The following CGNL1 variants were observed in gnomAD, a reference collection of about 807,000 sequenced individuals.
CGNL1 encodes cingulin-like protein 1.
CGNL1 carries 132 observed loss-of-function variants against 141.2 expected under a neutral mutation model. The ratio of observed to expected loss-of-function variants is 0.93; its 90% CI spans 0.81 to 1.08. The LOEUF is 1.08. CGNL1 is among the 50% of genes least tolerant of loss of function. The probability of loss-of-function intolerance (pLI) is 0.00; values close to 1 mark genes in which losing one functional copy is unlikely to be tolerated. For missense variants in CGNL1, 1,870 were observed against 1,588.6 expected, an observed-to-expected ratio of 1.18 and a Z score of -3.01; for synonymous variants, 690 against 622.1, an observed-to-expected ratio of 1.11 and a Z score of -1.63.
At position 57,422,197 on chromosome 15, in the gene CGNL1, T is replaced by G. The variant is rs186600483; in HGVS notation, c.-15-15788T>G. ...GTTTCTTCCTTTTTTCTCTTCAGTTTTTTTCTCCTTTCCTTGCAGTTATTT... is the reference window on the plus strand; with the variant it reads ...GTTTCTTCCTTTTTTCTCTTCAGTTGTTTTCTCCTTTCCTTGCAGTTATTT... On this transcript the variant is annotated intron_variant, in intron 1 of 18. Coordinates refer to ENST00000281282, the MANE Select transcript of CGNL1 (RefSeq NM_032866.5). Among the ~76,000 whole-genome samples, 469 of 150,520 alleles carry G rather than the reference T, an allele frequency of 3.1e-3. 3 individuals carry two copies. Among genetic ancestry groups the G allele is most frequent in the Non-Finnish European group, 2.5e-3 (168 of 67,898 alleles).
At chr15:57,491,150 A>G (rs2063856490) in intron 8 of CGNL1, among the ~76,000 whole-genome samples, 1 of 152,188 alleles carries the variant, frequency 6.6e-6, no homozygotes, top group Non-Finnish European at 1.5e-5. Context: ...ATAGATCAGG[A>G]TTAGTTCATT....
intron 8 of CGNL1, among the ~76,000 whole-genome samples, chr15:57,467,366 T>C (rs972354655): frequency 6.6e-6 from 1 of 152,136 alleles, no homozygotes; most frequent in Non-Finnish European, 1.5e-5. Flanking sequence ...TTTTGAGTGA[T>C]GTTTGGGCAT....
chr15:57,466,127 C>T (rs907514990), intron 8 of CGNL1, among the ~76,000 whole-genome samples: 3 of 152,162 alleles, frequency 2.0e-5, no homozygotes, highest in East Asian at 1.9e-4. Context: ...AATGGATCTT[C>T]GTAGTCTGTT....
In CGNL1 at chr15:57,498,351, G is replaced by C. The variant is rs186951640; in HGVS notation, c.2404-18429G>C. Among the ~76,000 whole-genome samples the C allele has an allele frequency of 2.1e-3, 295 of 137,772 alleles. 3 individuals carry two copies. Among genetic ancestry groups the C allele is most frequent in the African/African-American group, 7.4e-3 (281 of 38,158 alleles). 90.4% of individuals were successfully genotyped at this position (137,772 alleles called of 152,430 possible). ...TGCAGCCTCAATCTCCCGGGCTCAA[G>C]CGATTCTCCCACCTCAGCCTCTCAA... On this transcript the variant is annotated intron_variant, in intron 8 of 18. Coordinates refer to ENST00000281282, the MANE Select transcript of CGNL1 (RefSeq NM_032866.5).
rs533202733 is a variant in CGNL1 at position 57,440,387 on chromosome 15, A to C, written c.1613A>C (p.Asp538Ala). 2 of 1,600,114 alleles carry C rather than the reference A, an allele frequency of 1.2e-6. No homozygotes were observed. The highest frequency in any genetic ancestry group is 1.3e-5 in the African/African-American group (1 of 74,918). ...PSASNTQATP[D>A]LLKGQQELTQ... is the part of the protein sequence containing the mutation. ...GGCCTTATGTTCCAGGCCACACCGG[A>C]TCTCTTAAAGGGCCAGCAAGAGCTC... The change falls in exon 3 of 19, where the codon GAT becomes GCT. Residue 538 changes from aspartate (D) to alanine (A), a missense_variant. Asp to Ala is a moderately radical substitution (Grantham distance 126). Coordinates refer to ENST00000281282, the MANE Select transcript of CGNL1 (RefSeq NM_032866.5).
At chr15:57,451,390 T>C in intron 4 of CGNL1, 110 bp from the exon 5 acceptor site, 4 of 715,106 alleles carry the variant, frequency 5.6e-6, no homozygotes, top group Non-Finnish European at 9.1e-6. Flanking sequence ...CTTAAAATGT[T>C]TAGTGTTATG....
At chr15:57,473,274 A>G (rs2063606019) in intron 8 of CGNL1, among the ~76,000 whole-genome samples, 1 of 152,210 alleles carries the variant, frequency 6.6e-6, no homozygotes. Flanking sequence ...ATTCTGCCTG[A>G]TGGATATTTT....
At chr15:57,512,694 G>T (rs11630713) in intron 8 of CGNL1, among the ~76,000 whole-genome samples, 3 of 152,026 alleles carry the variant, frequency 2.0e-5, no homozygotes, top group African/African-American at 7.2e-5. Context: ...TAGGGTGCTA[G>T]TTAGGCCCCA....
At chr15:57,409,486 A>G (rs1276769577) in intron 1 of CGNL1, among the ~76,000 whole-genome samples, 1 of 152,264 alleles carries the variant, frequency 6.6e-6, no homozygotes, top group African/African-American at 2.4e-5. Flanking sequence ...ACTGAGGATC[A>G]ACTTAGAAGG....
intron 14 of CGNL1, 80 bp downstream of exon 14, chr15:57,531,859 T>C: frequency 1.1e-6 from 1 of 892,300 alleles, no homozygotes; most frequent in South Asian, 1.4e-5. Flanking sequence ...GGGCTTCAGT[T>C]AAGTCCAGGA....
chr15:57,477,559 A>G (rs963071605), intron 8 of CGNL1: 1 of 152,198 alleles, frequency 6.6e-6, no homozygotes, highest in Admixed American at 6.5e-5. Flanking sequence ...AGTCCAAAGG[A>G]AAGGTATGTT....
chr15:57,515,300 A>C (rs917292757), intron 8 of CGNL1, among the ~76,000 whole-genome samples: 9 of 152,192 alleles, frequency 5.9e-5, no homozygotes, highest in Non-Finnish European at 1.0e-4. Context: ...TGTTGTATAG[A>C]ATTAAACCTT....
intron 8 of CGNL1, among the ~76,000 whole-genome samples, chr15:57,505,532 G>A (rs1278534924): frequency 1.3e-5 from 2 of 152,156 alleles, no homozygotes; most frequent in African/African-American, 4.8e-5. Context: ...AGCCTGGTCT[G>A]CTCAGCTCTG....
chr15:57,387,320 C>T (rs1201851953), intron 1 of CGNL1, among the ~76,000 whole-genome samples: 4 of 152,200 alleles, frequency 2.6e-5, no homozygotes, highest in African/African-American at 9.7e-5. Context: ...CACCCCAAGC[C>T]TCAGTGTCAT....
At chr15:57,459,155 A>G (rs1008545556) in intron 7 of CGNL1, among the ~76,000 whole-genome samples, 2 of 152,244 alleles carry the variant, frequency 1.3e-5, no homozygotes, top group African/African-American at 4.8e-5. Context: ...AGGGGTTCCA[A>G]GAAAACAGGT....
At position 57,438,673 on chromosome 15, in the gene CGNL1, A is replaced by G. The variant is rs150998105; in HGVS notation, c.674A>G (p.Glu225Gly). Reference protein sequence around the residue: ...AIRLCSSVVIEDPKKQTSVCV... With the variant: ...AIRLCSSVVIGDPKKQTSVCV... Reference sequence around the variant, plus strand: ...CGTTTATGCAGCTCCGTGGTCATAGAGGACCCCAAAAAGCAGACCTCAGTG... The same window carrying G: ...CGTTTATGCAGCTCCGTGGTCATAGGGGACCCCAAAAAGCAGACCTCAGTG... Residue 225 changes from glutamate to glycine, a missense_variant, in exon 2 of 19, where the codon GAG becomes GGG. By Grantham distance (98) the Glu-to-Gly change is moderately conservative (BLOSUM62 -2). Coordinates refer to ENST00000281282, the MANE Select transcript of CGNL1 (RefSeq NM_032866.5). 148 of 1,614,054 alleles carry G rather than the reference A, an allele frequency of 9.2e-5. No individual in the cohort carries two copies. Among genetic ancestry groups the G allele is most frequent in the Non-Finnish European group, 1.1e-4 (134 of 1,180,042 alleles).
intron 8 of CGNL1, among the ~76,000 whole-genome samples, chr15:57,483,468 C>CTTTTTTTT (rs60667956): frequency 2.0e-4 from 26 of 127,792 alleles, no homozygotes; most frequent in Non-Finnish European, 3.3e-4. Context: ...ACAAAGTTTT[C>CTTTTTTTT]TTTTTTTTTT....
intron 14 of CGNL1, among the ~76,000 whole-genome samples, chr15:57,537,949 T>C (rs80131594): frequency 0.011 from 1,641 of 152,334 alleles, 33 homozygotes; most frequent in African/African-American, 0.038. Flanking sequence ...CAGCCTTGAG[T>C]TTACTCTTCT....
At chr15:57,523,442 T>A in intron 10 of CGNL1, 47 bp from the exon 11 acceptor site, 1 of 1,603,388 alleles carries the variant, frequency 6.2e-7, no homozygotes, top group Non-Finnish European at 8.5e-7. Flanking sequence ...TTCCTGTGGC[T>A]ACCTGGTTAG....
Sources: allele counts gnomAD v4.1 joint callset (sites outside exome capture counted in the v4.1 genomes callset), GRCh38; gene constraint gnomAD v4.1.1; transcripts MANE v1.5; gene names NCBI Gene and HGNC (gene_info 2026-07-23, HGNC 2026-07-21).